The following MYRFL variants were observed in gnomAD, a reference collection of about 807,000 sequenced individuals.
MYRFL encodes the protein myelin regulatory factor-like protein.
MYRFL carries 88 observed loss-of-function variants against 109.4 expected under a neutral mutation model. The observed-to-expected ratio is 0.80, with a 90% CI of 0.68 to 0.96. The LOEUF (loss-of-function observed/expected upper bound fraction) is 0.96. Ranked by LOEUF, MYRFL falls within the 40% of genes least tolerant of loss-of-function variation. The probability of loss-of-function intolerance (pLI) is 0.00; values close to 1 mark genes in which losing one functional copy is unlikely to be tolerated. For synonymous variants in MYRFL, 324 were observed against 320.9 expected (o/e 1.01, Z -0.10); for missense variants, 957 against 954.9 (o/e 1.00, Z -0.03).
Position 69,932,365 on chromosome 12 carries a change from G to C in MYRFL, c.1831-148G>C, listed in dbSNP as rs191282333. ...AAAGAATGTTGTTTTCAGAGAGGCA[G>C]GGAGGAGGAAAGAGATGTAAATTGA... On this transcript the variant is annotated intron_variant, in intron 15 of 24. Coordinates refer to ENST00000552032, the MANE Select transcript of MYRFL (RefSeq NM_182530.3). 1.5e-3 allele frequency: 882 copies of C among 578,018 alleles called. 7 individuals are homozygous for C. The Admixed American group carries it at 0.018, about 12-fold the overall frequency. The allele number at this position is 578,018 out of a possible 1,614,324, so 35.8% of individuals were successfully genotyped here. A position where few individuals can be genotyped will look rare whatever the true frequency, so the allele number is the denominator to read the frequency against.
At position 69,957,927 on chromosome 12, in the gene MYRFL, C is replaced by T; in HGVS notation, c.2556C>T (p.Ser852=). ...GGCTGGAAAGCCACAGAGAAATCTC[C>T]CAGGAGATGACACAGGTAATGTTTT... is the stretch of plus-strand genomic sequence containing the variant. ...TKGLESHREI[S]QEMTQGYQHI... is the part of the protein sequence containing the mutation. Residue 852 remains serine, a synonymous_variant, in exon 23 of 25, where the codon TCC becomes TCT. Transcript: ENST00000552032. 1 of 1,533,468 alleles carries T rather than the reference C, an allele frequency of 6.5e-7. No individual in the cohort carries two copies. Among genetic ancestry groups the T allele is most frequent in the Non-Finnish European group, 8.7e-7 (1 of 1,144,932 alleles). The allele number at this position is 1,533,468 out of a possible 1,614,324, so 95.0% of individuals were successfully genotyped here.
intron 19 of MYRFL, among the ~76,000 whole-genome samples, chr12:69,938,230 G>C (rs1013679557): frequency 1.3e-5 from 2 of 152,204 alleles, no homozygotes; most frequent in African/African-American, 4.8e-5. Context: ...CCTTGTGAAA[G>C]CACATGGAAC....
At chr12:69,877,479 C>T (rs1885762281) in intron 2 of MYRFL, among the ~76,000 whole-genome samples, 1 of 152,132 alleles carries the variant, frequency 6.6e-6, no homozygotes, top group Non-Finnish European at 1.5e-5. Flanking sequence ...TTCCCTCCAC[C>T]ATTTCCAGGC....
In MYRFL at chr12:69,903,681, C is replaced by T. The variant is rs752303415; in HGVS notation, c.1220C>T (p.Ala407Val). 135 of 1,535,744 alleles carry T rather than the reference C, an allele frequency of 8.8e-5. No homozygotes were observed. Among genetic ancestry groups the T allele is most frequent in the Middle Eastern group, 6.7e-4 (4 of 6,006 alleles). Reference protein sequence around the residue: ...NPGQFENDSDALWQRGQVPES... With the variant: ...NPGQFENDSDVLWQRGQVPES... Reference sequence around the variant, plus strand: ...GGGCAGTTTGAAAATGACAGTGATGCATTGTGGCAGCGAGGACAAGTTCCA... The same window carrying T: ...GGGCAGTTTGAAAATGACAGTGATGTATTGTGGCAGCGAGGACAAGTTCCA... Residue 407 changes from alanine (A) to valine (V), a missense_variant, in exon 11 of 25, where the codon GCA becomes GTA. Physicochemically the swap from Ala to Val is moderately conservative, Grantham distance 64. Transcript: ENST00000552032.
intron 15 of MYRFL, among the ~76,000 whole-genome samples, chr12:69,931,063 G>C (rs1955257233): frequency 6.6e-6 from 1 of 152,176 alleles, no homozygotes; most frequent in East Asian, 1.9e-4. Context: ...CTATTTTACT[G>C]ATAAAGAAAA....
chr12:69,853,912 A>G (rs1318165779), intron 1 of MYRFL, among the ~76,000 whole-genome samples: 8 of 150,540 alleles, frequency 5.3e-5, no homozygotes, highest in African/African-American at 2.0e-4. Flanking sequence ...ATGGGCGGCC[A>G]GGCAGAGATG....
intron 13 of MYRFL, among the ~76,000 whole-genome samples, chr12:69,914,724 GGGGGT>G: frequency 6.6e-6 from 1 of 152,286 alleles, no homozygotes; most frequent in Middle Eastern, 3.4e-3. Context: ...TGGAGAGGTA[GGGGGT>G]AGCATTCCTG....
chr12:69,928,996 A>C (rs1381706005), intron 15 of MYRFL, among the ~76,000 whole-genome samples: 3 of 152,156 alleles, frequency 2.0e-5, no homozygotes, highest in Non-Finnish European at 4.4e-5. Context: ...TATTAACTAG[A>C]ATATATGGCT....
intron 20 of MYRFL, among the ~76,000 whole-genome samples, chr12:69,952,472 A>G (rs2120550266): frequency 6.6e-6 from 1 of 152,308 alleles, no homozygotes; most frequent in African/African-American, 2.4e-5. Flanking sequence ...GTTTTCTGAA[A>G]CAGATTGCAT....
At chr12:69,909,338 C>G (rs1033508644) in intron 11 of MYRFL, among the ~76,000 whole-genome samples, 1 of 152,178 alleles carries the variant, frequency 6.6e-6, no homozygotes. Context: ...AAGGGAGGAG[C>G]TGAGGGCCAT....
chr12:69,907,789 G>A (rs947387520), intron 11 of MYRFL, among the ~76,000 whole-genome samples: 1 of 152,148 alleles, frequency 6.6e-6, no homozygotes, highest in South Asian at 2.1e-4. Context: ...TAAAATTTAA[G>A]CTCCAAAAGA....
chr12:69,878,242 C>CAAAAAAAAAAAAAAAAAAAAA (rs60069243), intron 2 of MYRFL, among the ~76,000 whole-genome samples: 1 of 112,716 alleles, frequency 8.9e-6, no homozygotes, highest in East Asian at 2.8e-4. Flanking sequence ...GACTCCATCT[C>CAAAAAAAAAAAAAAAAAAAAA]AAAAAAAAAA....
chr12:69,882,738 C>A (rs1329168275), intron 5 of MYRFL, among the ~76,000 whole-genome samples: 1 of 152,100 alleles, frequency 6.6e-6, no homozygotes, highest in East Asian at 1.9e-4. Context: ...TTGGTCTGAA[C>A]CCCAAATGAA....
At chr12:69,917,047 A>G (rs370862720) in intron 13 of MYRFL, among the ~76,000 whole-genome samples, 1 of 151,996 alleles carries the variant, frequency 6.6e-6, no homozygotes, top group African/African-American at 2.4e-5. Context: ...AAACCTGCCA[A>G]GTATGTTTCT....
intron 15 of MYRFL, among the ~76,000 whole-genome samples, chr12:69,932,182 GACA>G (rs1955293510): frequency 6.6e-6 from 1 of 152,122 alleles, no homozygotes; most frequent in African/African-American, 2.4e-5. Flanking sequence ...TCTGTGGTCT[GACA>G]ACATCTCATC....
chr12:69,907,856 C>CA (rs1467052202), intron 11 of MYRFL, among the ~76,000 whole-genome samples: 5 of 152,116 alleles, frequency 3.3e-5, no homozygotes, highest in African/African-American at 9.7e-5. Context: ...AGTAGCTACT[C>CA]AATAGATATT....
In MYRFL at chr12:69,959,021, G is replaced by A. The variant is rs1956156272; in HGVS notation, c.*490G>A. ...CTCACATTTAGGCAAATTGTCCTAT[G>A]TGTGTGTGTATTGTATAAACACATA... is the stretch of plus-strand genomic sequence containing the variant. On this transcript the variant is annotated 3_prime_UTR_variant, in exon 25 of 25. Transcript: ENST00000552032. 1 of 160,276 alleles carries A rather than the reference G, an allele frequency of 6.2e-6. No individual in the cohort carries two copies. The highest frequency in any genetic ancestry group is 1.8e-4 in the East Asian group (1 of 5,422). The allele number at this position is 160,276 out of a possible 1,614,324, so 9.9% of individuals were successfully genotyped here. A position where few individuals can be genotyped will look rare whatever the true frequency, so the allele number is the denominator to read the frequency against.
intron 1 of MYRFL, among the ~76,000 whole-genome samples, chr12:69,834,602 A>G (rs1882827253): frequency 1.3e-5 from 2 of 152,252 alleles, no homozygotes; most frequent in African/African-American, 2.4e-5. Context: ...TTTTTATTAT[A>G]GTATTTGCAA....
intron 21 of MYRFL, among the ~76,000 whole-genome samples, chr12:69,953,596 C>T (rs1362810102): frequency 6.6e-6 from 1 of 151,688 alleles, no homozygotes; most frequent in African/African-American, 2.4e-5. Context: ...TGATGAGATC[C>T]TGTCTCTCCA....
Sources: allele counts gnomAD v4.1 joint callset (sites outside exome capture counted in the v4.1 genomes callset), GRCh38; gene constraint gnomAD v4.1.1; transcripts MANE v1.5; gene names NCBI Gene and HGNC (gene_info 2026-07-23, HGNC 2026-07-21).